The following KATNAL2 variants were observed in gnomAD, a reference collection of about 807,000 sequenced individuals.
KATNAL2 encodes the protein katanin catalytic subunit A1 like 2.
A neutral mutation model predicts 76.3 loss-of-function variants in KATNAL2; 52 were observed. The ratio of observed to expected loss-of-function variants is 0.68; its 90% confidence interval spans 0.55 to 0.86. The LOEUF is 0.86. Among genes scored for constraint, KATNAL2 ranks in the 40% least tolerant of loss-of-function variants. The pLI, the probability that KATNAL2 is intolerant of heterozygous loss-of-function variation, is 0.00. For missense variants in KATNAL2, 660 were observed against 668.9 expected, an observed-to-expected ratio of 0.99 and a Z score of 0.15; for synonymous variants, 243 against 244.2, an observed-to-expected ratio of 1.00 and a Z score of 0.05.
At chr18:47,063,487 C>T in intron 10 of KATNAL2, 126 bp downstream of exon 10, 1 of 651,534 alleles carries the variant, frequency 1.5e-6, no homozygotes, top group Non-Finnish European at 2.6e-6. Flanking sequence ...CCCACTTGCG[C>T]AGGCACTCAT....
intron 3 of KATNAL2, among the ~76,000 whole-genome samples, chr18:47,042,321 A>G (rs562534849): frequency 2.0e-5 from 3 of 152,318 alleles, no homozygotes; most frequent in African/African-American, 7.2e-5. Flanking sequence ...AGTACTTACT[A>G]TGCTCCCTTC....
intron 15 of KATNAL2, among the ~76,000 whole-genome samples, chr18:47,095,616 T>C (rs2063198499): frequency 6.6e-6 from 1 of 152,244 alleles, no homozygotes; most frequent in African/African-American, 2.4e-5. Flanking sequence ...AATGGACTAA[T>C]ACAGTGTTTT....
chr18:46,946,046 T>C lies in KATNAL2; in HGVS notation c.-509-11T>C. On this transcript the variant is annotated splice_polypyrimidine_tract_variant and intron_variant, in intron 1 of 17. Coordinates refer to ENST00000683218, the MANE Select transcript of KATNAL2 (RefSeq NM_001387690.1). ...AGTTCAACACTTACGAGAACTTTTT[T>C]TTTTTTGTAGATTGAGGAAACTTGA... 3.4e-6 allele frequency: 1 copy of C among 291,982 alleles called. No homozygotes were observed. The highest frequency in any genetic ancestry group is 5.1e-6 in the Non-Finnish European group (1 of 195,220). The allele number at this position is 291,982 out of a possible 1,614,324, so 18.1% of individuals were successfully genotyped here. A position where few individuals can be genotyped will look rare whatever the true frequency, so the allele number is the denominator to read the frequency against.
At chr18:47,053,091 G>A in intron 5 of KATNAL2, 45 bp downstream of exon 5, 2 of 1,458,834 alleles carry the variant, frequency 1.4e-6, no homozygotes, top group South Asian at 2.7e-5. Flanking sequence ...TCATCTGTAA[G>A]ATTAGTGTTT....
intron 4 of KATNAL2, among the ~76,000 whole-genome samples, chr18:47,048,369 G>A (rs563966706): frequency 6.6e-6 from 1 of 152,332 alleles, no homozygotes; most frequent in African/African-American, 2.4e-5. Context: ...GAGGGCAGGA[G>A]GCAGTTGACA....
In KATNAL2 at chr18:47,099,158, A is replaced by T. The variant is rs548782634; in HGVS notation, c.1212-85A>T. On this transcript the variant is annotated intron_variant, in intron 15 of 17. Coordinates refer to ENST00000683218, the MANE Select transcript of KATNAL2 (RefSeq NM_001387690.1). ...GTTAAAATGCAGAATTGCTTCCTGC[A>T]ATGCTAAATTGTTCTTAAAGTACAG... The T allele has an allele frequency of 1.5e-4, 210 of 1,363,750 alleles. 1 individual carries two copies. In the Middle Eastern group the frequency reaches 6.0e-3, roughly 39 times the overall value. The allele number at this position is 1,363,750 out of a possible 1,614,324, so 84.5% of individuals were successfully genotyped here. A position where few individuals can be genotyped will look rare whatever the true frequency, so the allele number is the denominator to read the frequency against.
intron 3 of KATNAL2, chr18:47,035,082 G>C: frequency 1.9e-6 from 3 of 1,611,090 alleles, no homozygotes; most frequent in Non-Finnish European, 2.5e-6. Flanking sequence ...AGTCGCCCAC[G>C]TGCTGGTGCT....
chr18:46,941,965 G>A (rs1232078609), intron 1 of KATNAL2, among the ~76,000 whole-genome samples: 1 of 152,140 alleles, frequency 6.6e-6, no homozygotes, highest in Admixed American at 6.5e-5. Flanking sequence ...TACCAGCTAG[G>A]GTTACAGGGC....
intron 12 of KATNAL2, 89 bp from the exon 13 acceptor site, chr18:47,069,393 T>C: frequency 7.3e-7 from 1 of 1,370,870 alleles, no homozygotes; most frequent in Non-Finnish European, 1.0e-6. Context: ...GAGCAGTCAC[T>C]TCCTTCCTTG....
intron 13 of KATNAL2, among the ~76,000 whole-genome samples, chr18:47,072,237 T>C (rs1240278437): frequency 6.6e-6 from 1 of 152,050 alleles, no homozygotes; most frequent in Non-Finnish European, 1.5e-5. Context: ...ATTACAGGCA[T>C]GAGCCACCGT....
At chr18:47,094,642 G>T (rs1025447531) in intron 15 of KATNAL2, among the ~76,000 whole-genome samples, 3 of 152,234 alleles carry the variant, frequency 2.0e-5, no homozygotes, top group South Asian at 2.1e-4. Context: ...GGGTTACTGT[G>T]TTGGGGAACT....
chr18:47,092,965 T>C (rs548859909), intron 15 of KATNAL2, among the ~76,000 whole-genome samples: 1 of 152,376 alleles, frequency 6.6e-6, no homozygotes, highest in Non-Finnish European at 1.5e-5. Context: ...TAGATTTCTA[T>C]GCTAGAAATT....
At chr18:46,962,073 G>A (rs573155649) in intron 3 of KATNAL2, among the ~76,000 whole-genome samples, 202 of 152,282 alleles carry the variant, frequency 1.3e-3, no homozygotes, top group Non-Finnish European at 2.4e-3. Flanking sequence ...TGCATAGGCT[G>A]CTGGCACTAT....
In KATNAL2 at chr18:46,929,092, G is replaced by A. The variant is rs140428271; in HGVS notation, c.-510+11166G>A. ...ATTACAGGCGTGAGCCACTGTGCCC[G>A]GCTTTGCTCTGATTTCTAATACTAA... is the stretch of plus-strand genomic sequence containing the variant. On this transcript the variant is annotated intron_variant, in intron 1 of 17. Transcript: ENST00000683218. 4.3e-3 allele frequency among the ~76,000 whole-genome samples: 646 copies of A among 151,954 alleles called. 5 individuals are homozygous for A. The highest frequency in any genetic ancestry group is 0.015 in the African/African-American group (621 of 41,430).
chr18:47,033,718 G>T (rs763632969), intron 3 of KATNAL2: 2 of 1,614,186 alleles, frequency 1.2e-6, no homozygotes, highest in South Asian at 2.2e-5. Context: ...CCTGGAGCCC[G>T]AGTACACCGG....
intron 15 of KATNAL2, among the ~76,000 whole-genome samples, chr18:47,078,209 C>G (rs1468307369): frequency 6.6e-6 from 1 of 152,128 alleles, no homozygotes; most frequent in African/African-American, 2.4e-5. Context: ...CTCTTGTAGC[C>G]TAGCTGGGAC....
intron 1 of KATNAL2, among the ~76,000 whole-genome samples, chr18:46,927,864 C>T (rs1408770878): frequency 1.3e-5 from 2 of 152,208 alleles, no homozygotes; most frequent in Non-Finnish European, 2.9e-5. Context: ...CCCTTTCTTC[C>T]AGTTGATTGC....
At chr18:47,045,657 T>C (rs1350394649) in intron 3 of KATNAL2, among the ~76,000 whole-genome samples, 1 of 152,130 alleles carries the variant, frequency 6.6e-6, no homozygotes, top group Non-Finnish European at 1.5e-5. Context: ...TGAATATAAG[T>C]GTTTGTGCAT....
intron 15 of KATNAL2, among the ~76,000 whole-genome samples, chr18:47,096,829 A>G (rs2063263795): frequency 6.6e-6 from 1 of 152,156 alleles, no homozygotes; most frequent in Non-Finnish European, 1.5e-5. Flanking sequence ...AATAACTCCA[A>G]ATAATGTATT....
Sources: gnomAD v4.1 joint callset for allele counts (sites outside exome capture counted in the v4.1 genomes callset) on GRCh38, gnomAD v4.1.1 for gene constraint, MANE v1.5 for transcripts, NCBI Gene and HGNC (gene_info 2026-07-23, HGNC 2026-07-21) for gene names.